The following MN1 variants were observed in gnomAD, a reference collection of about 807,000 sequenced individuals.
The protein encoded by MN1 is MN1 proto-oncogene, transcriptional regulator, also known as transcriptional activator MN1.
MN1 carries 19 observed loss-of-function variants against 86.9 expected under a neutral mutation model. The observed-to-expected ratio is 0.22, with a 90% CI of 0.15 to 0.32. The LOEUF is 0.32. MN1 is among the 10% of genes least tolerant of loss of function. The pLI is 1.00. For synonymous variants in MN1, 928 were observed against 849.6 expected, an observed-to-expected ratio of 1.09 and a Z score of -1.60; for missense variants, 1,841 against 1,862.0, an observed-to-expected ratio of 0.99 and a Z score of 0.21.
At position 27,798,572 on chromosome 22, in the gene MN1, G is replaced by A. The variant is rs1933355036; in HGVS notation, c.1972C>T (p.Pro658Ser). The A allele has an allele frequency of 1.3e-6, 2 of 1,539,398 alleles. No individual in the cohort carries two copies. Among genetic ancestry groups the A allele is most frequent in the Non-Finnish European group, 1.7e-6 (2 of 1,152,806 alleles). Residue 658 changes from proline to serine, a missense_variant, in exon 1 of 2, where the codon CCG becomes TCG. Pro to Ser is a moderately conservative substitution (Grantham distance 74, BLOSUM62 -1). Transcript: ENST00000302326. ...GGGGGCGCCAGGCTGGGGTCGTGCG[G>A]GCCACAGTCAGCGGGCAGACCCGAG... ...GGSGLPADCG[P>S]HDPSLAPPPP...
At chr22:27,779,431 TA>T (rs1933022537) in intron 1 of MN1, among the ~76,000 whole-genome samples, 1 of 152,190 alleles carries the variant, frequency 6.6e-6, no homozygotes, top group South Asian at 2.1e-4. Flanking sequence ...TGGGAAGACC[TA>T]AACAGCCAAC....
At chr22:27,778,094 G>A (rs559601377) in intron 1 of MN1, among the ~76,000 whole-genome samples, 13 of 152,044 alleles carry the variant, frequency 8.6e-5, no homozygotes, top group Middle Eastern at 3.2e-3. Context: ...TGATTAATGC[G>A]CTCTTAAATA....
chr22:27,796,251 CT>C (rs1157361879), intron 1 of MN1, among the ~76,000 whole-genome samples: 2 of 152,138 alleles, frequency 1.3e-5, no homozygotes, highest in South Asian at 2.1e-4. Context: ...GGGCTGGTAA[CT>C]TTTTTTTCCT....
rs368968399 is a variant in MN1, at chr22:27,799,187, C to A, written c.1357G>T (p.Val453Leu). The change falls in exon 1 of 2, where the codon GTG becomes TTG. Residue 453 changes from valine to leucine, a missense_variant. Physicochemically the swap from Val to Leu is conservative, Grantham distance 32 (BLOSUM62 1). Coordinates refer to ENST00000302326, the MANE Select transcript of MN1 (RefSeq NM_002430.3). ...AAGTCGAAGCGCGGCCTCTTGGCCACGTTCATGTAGGGGGGCGCGTCGAAA... is the reference window on the plus strand; with the variant it reads ...AAGTCGAAGCGCGGCCTCTTGGCCAAGTTCATGTAGGGGGGCGCGTCGAAA... ...QHFDAPPYMN[V>L]AKRPRFDFPG... 3 of 1,606,628 alleles carry A rather than the reference C, an allele frequency of 1.9e-6. No homozygotes were observed. Among genetic ancestry groups the A allele is most frequent in the Admixed American group, 3.4e-5 (2 of 59,682 alleles).
chr22:27,771,291 T>C (rs1932913035), intron 1 of MN1, among the ~76,000 whole-genome samples: 1 of 144,544 alleles, frequency 6.9e-6, no homozygotes, highest in Non-Finnish European at 1.5e-5. Context: ...GGCAGTGGCA[T>C]GATCATAGCT....
chr22:27,777,879 A>G (rs995304911), intron 1 of MN1, among the ~76,000 whole-genome samples: 3 of 147,836 alleles, frequency 2.0e-5, no homozygotes, highest in Non-Finnish European at 3.0e-5. Flanking sequence ...TGCATCTCCA[A>G]AAAAAAAAAA....
intron 1 of MN1, among the ~76,000 whole-genome samples, chr22:27,785,983 C>T (rs1431820075): frequency 6.6e-6 from 1 of 152,260 alleles, no homozygotes; most frequent in African/African-American, 2.4e-5. Context: ...TCAGCGCCTT[C>T]AGTTCATTTC....
intron 1 of MN1, among the ~76,000 whole-genome samples, chr22:27,786,948 T>G (rs1933142266): frequency 6.6e-6 from 1 of 152,222 alleles, no homozygotes; most frequent in African/African-American, 2.4e-5. Flanking sequence ...TAGTGAAATG[T>G]ACAAGTAAAT....
chr22:27,777,135 C>T (rs534020681), intron 1 of MN1, among the ~76,000 whole-genome samples: 1 of 152,310 alleles, frequency 6.6e-6, no homozygotes, highest in East Asian at 1.9e-4. Flanking sequence ...ACACTTGAGG[C>T]AGACAATCAC....
At chr22:27,771,619 T>C (rs936628974) in intron 1 of MN1, among the ~76,000 whole-genome samples, 8 of 152,242 alleles carry the variant, frequency 5.3e-5, no homozygotes, top group African/African-American at 1.7e-4. Flanking sequence ...TGTCCATAAA[T>C]AAAGTTTTAT....
chr22:27,756,288 A>G (rs1932801722), intron 1 of MN1, among the ~76,000 whole-genome samples: 1 of 152,198 alleles, frequency 6.6e-6, no homozygotes, highest in African/African-American at 2.4e-5. Flanking sequence ...CTTTGAAGTC[A>G]GCAAAACAGG....
chr22:27,797,931 G>C lies in MN1; in HGVS notation c.2613C>G (p.Ala871=). The C allele has an allele frequency of 6.3e-7, 1 of 1,599,376 alleles. No individual in the cohort carries two copies. The highest frequency in any genetic ancestry group is 8.5e-7 in the Non-Finnish European group (1 of 1,172,450). ...SQNETDGAAV[A]GNPGSDYFPG... is the part of the protein sequence containing the mutation. ...GGAAGTAATCCGAGCCCGGGTTGCC[G>C]GCCACTGCCGCGCCGTCGGTCTCGT... Residue 871 remains alanine (A), a synonymous_variant, in exon 1 of 2, where the codon GCC becomes GCG. Coordinates refer to ENST00000302326, the MANE Select transcript of MN1 (RefSeq NM_002430.3).
intron 1 of MN1, among the ~76,000 whole-genome samples, chr22:27,777,042 G>A (rs392277): frequency 0.5 from 75,522 of 151,870 alleles, 19,606 homozygotes; most frequent in African/African-American, 0.64. Context: ...GAGGGCATGG[G>A]TATTCCCCAC....
rs1278666229 is a variant in MN1 at position 27,798,384 on chromosome 22, C to T, written c.2160G>A (p.Gly720=). The T allele has an allele frequency of 3.3e-5, 49 of 1,503,016 alleles. No homozygotes were observed. Among genetic ancestry groups the T allele is most frequent in the Non-Finnish European group, 4.2e-5 (48 of 1,135,322 alleles). The allele number at this position is 1,503,016 out of a possible 1,614,324, so 93.1% of individuals were successfully genotyped here. The change falls in exon 1 of 2, where the codon GGG becomes GGA. Residue 720 remains glycine, a synonymous_variant. Transcript: ENST00000302326. ...GQLQSPGAGV[G]LPSAASERRP... ...GGCGCTCCGAAGCAGCGCTGGGGAGCCCCACGCCCGCCCCGGGCGACTGCA... is the reference window on the plus strand; with the variant it reads ...GGCGCTCCGAAGCAGCGCTGGGGAGTCCCACGCCCGCCCCGGGCGACTGCA...
At chr22:27,796,629 C>A in intron 1 of MN1, 134 bp downstream of exon 1, 1 of 879,000 alleles carries the variant, frequency 1.1e-6, no homozygotes, top group East Asian at 2.5e-5. Context: ...GGTGGGATAA[C>A]CAGCTCCTAG....
rs567178104 is a variant in MN1 at position 27,758,672 on chromosome 22, G to A, written c.3782-7576C>T. ...CTTGGGCAAGTCACTTTCCCTCTCC[G>A]AGCCTCACCTTTCTTCTCTGTGAAA... On this transcript the variant is annotated intron_variant, in intron 1 of 1. Coordinates refer to ENST00000302326, the MANE Select transcript of MN1 (RefSeq NM_002430.3). Among the ~76,000 whole-genome samples, 8 of 152,254 alleles carry A rather than the reference G, an allele frequency of 5.3e-5. No homozygotes were observed. The East Asian group carries it at 9.7e-4, about 18-fold the overall frequency.
chr22:27,800,487 G>A lies in MN1; in HGVS notation c.57C>T (p.Gly19=), dbSNP rs754700385. The A allele has an allele frequency of 6.2e-6, 10 of 1,614,200 alleles. No individual in the cohort carries two copies. Among genetic ancestry groups the A allele is most frequent in the South Asian group, 2.2e-5 (2 of 91,090 alleles). Residue 19 remains glycine (G), a synonymous_variant, in exon 1 of 2, where the codon GGC becomes GGT. Coordinates refer to ENST00000302326, the MANE Select transcript of MN1 (RefSeq NM_002430.3). ...PQVNSRNAGQ[G]ERNFNETGLS... is the part of the protein sequence containing the mutation. ...GTCCGGTCTCGTTAAAGTTCCTCTC[G>A]CCCTGGCCAGCGTTCCTGCTGTTGA...
chr22:27,760,155 G>A (rs1003084960), intron 1 of MN1, among the ~76,000 whole-genome samples: 5 of 152,208 alleles, frequency 3.3e-5, no homozygotes, highest in Admixed American at 6.5e-5. Flanking sequence ...TTCATGACCA[G>A]CCTGGCCAAC....
At position 27,798,335 on chromosome 22, in the gene MN1, T is replaced by C. The variant is rs1484167641; in HGVS notation, c.2209A>G (p.Thr737Ala). 3.3e-6 allele frequency: 5 copies of C among 1,515,762 alleles called. No homozygotes were observed. Among genetic ancestry groups the C allele is most frequent in the Non-Finnish European group, 4.4e-6 (5 of 1,140,724 alleles). 93.9% of individuals were successfully genotyped at this position (1,515,762 alleles called of 1,614,324 possible). ...CCCGGCTGGCCCCCGAGCGCAGACG[T>C]AGCAAAGTCCGGCGGCGGGGGCCGG... The part of the protein sequence containing the change: ...ERRPPPPDFA[T>A]SALGGQPGFP... Residue 737 changes from threonine (T) to alanine (A), a missense_variant, in exon 1 of 2, where the codon ACG becomes GCG. Transcript: ENST00000302326.
Sources: allele counts gnomAD v4.1 joint callset (sites outside exome capture counted in the v4.1 genomes callset), GRCh38; gene constraint gnomAD v4.1.1; transcripts MANE v1.5; gene names NCBI Gene and HGNC (gene_info 2026-07-23, HGNC 2026-07-21).